Variants in DDAH1 observed in about 807,000 individuals in gnomAD.
DDAH1 encodes dimethylarginine dimethylaminohydrolase 1, also known as N(G),N(G)-dimethylarginine dimethylaminohydrolase 1.
A neutral mutation model predicts 28.8 loss-of-function variants in DDAH1; 19 were observed. That is an observed-to-expected ratio of 0.66 (90% CI 0.46 to 0.97). The LOEUF is 0.97. DDAH1 is among the 50% of genes least tolerant of loss of function. The probability of loss-of-function intolerance (pLI) is 0.00; values close to 1 mark genes in which losing one functional copy is unlikely to be tolerated. For missense variants in DDAH1, 326 were observed against 375.9 expected (o/e 0.87, Z 1.10); for synonymous variants, 153 against 154.4 (o/e 0.99, Z 0.07).
chr1:85,434,600 C>G (rs1349265788), intron 1 of DDAH1, among the ~76,000 whole-genome samples: 1 of 152,028 alleles, frequency 6.6e-6, no homozygotes, highest in Non-Finnish European at 1.5e-5. Context: ...CTATGCTGCC[C>G]AGGCTGGTCT....
At chr1:85,495,327 T>A (rs1255916937) in intron 2 of DDAH1, 1 of 152,084 alleles carries the variant, frequency 6.6e-6, no homozygotes, top group Non-Finnish European at 1.5e-5. Context: ...AGCAAAGTCA[T>A]GGGTTTGAAG....
At chr1:85,462,275 G>A (rs1476671021) in intron 1 of DDAH1, among the ~76,000 whole-genome samples, 1 of 152,152 alleles carries the variant, frequency 6.6e-6, no homozygotes, top group Non-Finnish European at 1.5e-5. Context: ...CTTGGGGTGG[G>A]ATCAGAGGTG....
chr1:85,542,469 T>A (rs1658497417), intron 1 of DDAH1, among the ~76,000 whole-genome samples: 1 of 152,174 alleles, frequency 6.6e-6, no homozygotes. Context: ...GGCTAGGAAT[T>A]TCTGTCACAA....
At position 85,429,949 on chromosome 1, in the gene DDAH1, G is replaced by C. The variant is rs1653592296; in HGVS notation, c.303+34794C>G. Among the ~76,000 whole-genome samples the C allele has an allele frequency of 3.3e-5, 5 of 152,132 alleles. 1 individual carries two copies. The South Asian group carries it at 1.0e-3, about 31-fold the overall frequency. ...GACTGCAAAAATTTTCTCCCATCCT[G>C]TAGGTTGCCTGTTCACTTTGATGGT... On this transcript the variant is annotated intron_variant, in intron 1 of 5. Transcript: ENST00000284031.
intron 1 of DDAH1, among the ~76,000 whole-genome samples, chr1:85,555,563 AGG>A (rs1157685167): frequency 5.8e-4 from 88 of 152,260 alleles, no homozygotes; most frequent in African/African-American, 2.0e-3. Flanking sequence ...TTTGCAGGGG[AGG>A]GATTGAACAG....
At chr1:85,447,474 G>C in intron 1 of DDAH1, among the ~76,000 whole-genome samples, 1 of 152,332 alleles carries the variant, frequency 6.6e-6, no homozygotes, top group East Asian at 1.9e-4. Flanking sequence ...AGTGAGAAGA[G>C]ATGGCATGAG....
In DDAH1 at chr1:85,319,334, G is replaced by A. The variant is rs1661228490; in HGVS notation, c.*2118C>T. 1 of 152,272 alleles carries A rather than the reference G, an allele frequency of 6.6e-6. No homozygotes were observed. Among genetic ancestry groups the A allele is most frequent in the African/African-American group, 2.4e-5 (1 of 41,564 alleles). 9.4% of individuals were successfully genotyped at this position (152,272 alleles called of 1,614,324 possible). The stretch of plus-strand genomic sequence containing the variant: ...CAAAAGAAAGGAAAAGTGAAAAACA[G>A]CCTTCTGCAGAACAAATTGTTACAA... On this transcript the variant is annotated 3_prime_UTR_variant, in exon 6 of 6. Coordinates refer to ENST00000284031, the MANE Select transcript of DDAH1 (RefSeq NM_012137.4).
At chr1:85,376,523 G>A (rs1254367147) in intron 1 of DDAH1, among the ~76,000 whole-genome samples, 1 of 151,954 alleles carries the variant, frequency 6.6e-6, no homozygotes, top group Non-Finnish European at 1.5e-5. Flanking sequence ...GGTACTAAAC[G>A]CTTGCCTCCA....
chr1:85,465,656 A>G (rs1308413309), upstream of DDAH1, among the ~76,000 whole-genome samples: 2 of 152,136 alleles, frequency 1.3e-5, no homozygotes, highest in Non-Finnish European at 2.9e-5. Context: ...CCTAAAGTAC[A>G]AGTTTTTCTT....
At chr1:85,478,232 T>C (rs775004354) in intron 2 of DDAH1, among the ~76,000 whole-genome samples, 1 of 152,228 alleles carries the variant, frequency 6.6e-6, no homozygotes, top group African/African-American at 2.4e-5. Context: ...GACCATATCA[T>C]AGGATACATC....
At chr1:85,566,052 G>C (rs1223413653) in intron 1 of DDAH1, among the ~76,000 whole-genome samples, 2 of 148,788 alleles carry the variant, frequency 1.3e-5, no homozygotes, top group East Asian at 4.0e-4. Flanking sequence ...TTGCACTCCA[G>C]CCTGGGCAAC....
chr1:85,371,572 G>T (rs903074156), intron 1 of DDAH1, among the ~76,000 whole-genome samples: 1 of 152,170 alleles, frequency 6.6e-6, no homozygotes, highest in Non-Finnish European at 1.5e-5. Flanking sequence ...TTGAAATTAT[G>T]ATCACTTGAA....
At chr1:85,339,042 G>T (rs1648304826) in intron 4 of DDAH1, among the ~76,000 whole-genome samples, 1 of 133,166 alleles carries the variant, frequency 7.5e-6, no homozygotes. Flanking sequence ...GCAAGACTCC[G>T]TCTCAAAAAA....
At chr1:85,348,895 A>G (rs2284798) in intron 4 of DDAH1, among the ~76,000 whole-genome samples, 8,143 of 152,284 alleles carry the variant, frequency 0.053, 297 homozygotes, top group South Asian at 0.18. Context: ...AGAAGGGGCC[A>G]CTTTTTCTAG....
At chr1:85,372,808 C>T (rs551112843) in intron 1 of DDAH1, among the ~76,000 whole-genome samples, 1 of 152,076 alleles carries the variant, frequency 6.6e-6, no homozygotes, top group African/African-American at 2.4e-5. Context: ...TGTCATTGCC[C>T]CCTATTTACT....
At chr1:85,321,606 T>A (rs756644865) in intron 5 of DDAH1, 38 bp from the exon 6 acceptor site, 1 of 1,472,442 alleles carries the variant, frequency 6.8e-7, no homozygotes, top group Non-Finnish European at 9.5e-7. Context: ...AAAAGAAGGA[T>A]TATGTTTTAC....
At chr1:85,376,272 T>A (rs747529626) in intron 1 of DDAH1, among the ~76,000 whole-genome samples, 2 of 152,176 alleles carry the variant, frequency 1.3e-5, no homozygotes, top group Non-Finnish European at 2.9e-5. Flanking sequence ...TAAAGCTGAA[T>A]AGATACCGTA....
At chr1:85,361,511 C>A (rs1240648721) in intron 1 of DDAH1, among the ~76,000 whole-genome samples, 1 of 152,092 alleles carries the variant, frequency 6.6e-6, no homozygotes, top group East Asian at 1.9e-4. Context: ...CTGAATGGGT[C>A]ATTTTAGCCC....
At chr1:85,324,588 AT>A in intron 5 of DDAH1, 151 bp downstream of exon 5, 1 of 861,358 alleles carries the variant, frequency 1.2e-6, no homozygotes, top group Non-Finnish European at 1.8e-6. Context: ...AGTGAAACAC[AT>A]TTTCCTTGTG....
Sources: allele counts gnomAD v4.1 joint callset (sites outside exome capture counted in the v4.1 genomes callset), GRCh38; gene constraint gnomAD v4.1.1; transcripts MANE v1.5; gene names NCBI Gene and HGNC (gene_info 2026-07-23, HGNC 2026-07-21).